The following GSK3B variants were observed in gnomAD, a reference collection of about 807,000 sequenced individuals.
GSK3B encodes the protein glycogen synthase kinase-3 beta.
Under a neutral mutation model 56.4 loss-of-function variants are expected in GSK3B, and 15 were observed. The ratio of observed to expected loss-of-function variants is 0.27; its 90% confidence interval spans 0.18 to 0.41. The LOEUF is 0.41. Among genes scored for constraint, GSK3B ranks in the 10% least tolerant of loss-of-function variants. The pLI, the probability that GSK3B is intolerant of heterozygous loss-of-function variation, is 1.00. For synonymous variants in GSK3B, 181 were observed against 188.9 expected (o/e 0.96, Z 0.34); for missense variants, 300 against 513.4 (o/e 0.58, Z 4.02).
intron 1 of GSK3B, among the ~76,000 whole-genome samples, chr3:120,028,520 C>T (rs142682932): frequency 5.0e-3 from 763 of 152,326 alleles, no homozygotes; most frequent in Non-Finnish European, 8.5e-3. Context: ...ATACTGTTAA[C>T]TCTCATGCCC....
At chr3:119,851,576 T>A (rs2055931260) in intron 9 of GSK3B, among the ~76,000 whole-genome samples, 1 of 152,170 alleles carries the variant, frequency 6.6e-6, no homozygotes, top group South Asian at 2.1e-4. Context: ...AATCAACCCC[T>A]CTACTGACTA....
At chr3:119,959,017 C>T (rs1218851734) in intron 2 of GSK3B, among the ~76,000 whole-genome samples, 1 of 152,194 alleles carries the variant, frequency 6.6e-6, no homozygotes, top group Non-Finnish European at 1.5e-5. Flanking sequence ...TGTGCTACAA[C>T]TAAGGTTTAC....
intron 1 of GSK3B, among the ~76,000 whole-genome samples, chr3:120,089,533 G>A (rs539205651): frequency 1.3e-5 from 2 of 152,262 alleles, no homozygotes; most frequent in South Asian, 4.1e-4. Context: ...ATCACCATAC[G>A]ACGTAATACT....
At position 120,093,483 on chromosome 3, in the gene GSK3B, C is replaced by T; in HGVS notation, c.-49G>A. The T allele has an allele frequency of 3.2e-6, 4 of 1,243,062 alleles. No homozygotes were observed. Among genetic ancestry groups the T allele is most frequent in the Non-Finnish European group, 4.7e-6 (4 of 843,172 alleles). 77.0% of individuals were successfully genotyped at this position (1,243,062 alleles called of 1,614,324 possible). On this transcript the variant is annotated 5_prime_UTR_variant, in exon 1 of 11. Coordinates refer to ENST00000264235, the MANE Select transcript of GSK3B (RefSeq NM_001146156.2). ...TTTTCCTTCCTTCCTCCTTTTCTTC[C>T]TTTTGTCTTTATGTTGGGGTGTTAG...
chr3:120,021,178 AACTAC>A (rs1301755357), intron 1 of GSK3B, among the ~76,000 whole-genome samples: 2 of 152,144 alleles, frequency 1.3e-5, no homozygotes, highest in African/African-American at 2.4e-5. Context: ...TGATGAAGAT[AACTAC>A]ACTAAACAAC....
intron 3 of GSK3B, among the ~76,000 whole-genome samples, chr3:119,943,373 C>A (rs969427165): frequency 2.0e-5 from 3 of 151,748 alleles, no homozygotes; most frequent in African/African-American, 7.3e-5. Context: ...TATAGTATAA[C>A]AATGGAATAT....
intron 7 of GSK3B, among the ~76,000 whole-genome samples, chr3:119,882,754 A>T (rs1293768558): frequency 6.6e-6 from 1 of 152,182 alleles, no homozygotes; most frequent in African/African-American, 2.4e-5. Context: ...TTTCTTCTGC[A>T]ACTCATTCCT....
At chr3:119,851,077 G>A (rs946914406) in intron 9 of GSK3B, among the ~76,000 whole-genome samples, 2 of 152,084 alleles carry the variant, frequency 1.3e-5, no homozygotes, top group Admixed American at 6.5e-5. Flanking sequence ...AAAAAGCCAC[G>A]TAGTTTATTA....
chr3:119,828,757 C>T (rs1048249712), intron 10 of GSK3B, among the ~76,000 whole-genome samples: 5 of 152,184 alleles, frequency 3.3e-5, no homozygotes, highest in Admixed American at 6.5e-5. Context: ...CCTAATTTCC[C>T]GATAAGCTGC....
intron 1 of GSK3B, among the ~76,000 whole-genome samples, chr3:120,070,680 T>C (rs1034232536): frequency 2.0e-5 from 3 of 152,206 alleles, no homozygotes; most frequent in Non-Finnish European, 2.9e-5. Context: ...AAGCAAATGA[T>C]GTGGAACCTG....
intron 1 of GSK3B, among the ~76,000 whole-genome samples, chr3:120,057,966 ATC>A (rs552075152): frequency 2.0e-5 from 3 of 151,746 alleles, no homozygotes; most frequent in African/African-American, 7.2e-5. Context: ...ATCAATCAAA[ATC>A]TCTCTCTCCC....
chr3:119,961,184 C>T (rs1428821224), intron 2 of GSK3B, among the ~76,000 whole-genome samples: 1 of 152,150 alleles, frequency 6.6e-6, no homozygotes, highest in Non-Finnish European at 1.5e-5. Flanking sequence ...TCCAGCTAAT[C>T]TCTCCAAAGG....
At chr3:119,994,308 C>A (rs971714173) in intron 2 of GSK3B, among the ~76,000 whole-genome samples, 2 of 151,954 alleles carry the variant, frequency 1.3e-5, no homozygotes, top group Non-Finnish European at 2.9e-5. Context: ...AAGGGAAAAG[C>A]TTTCCTCATA....
intron 2 of GSK3B, among the ~76,000 whole-genome samples, chr3:119,993,545 T>C (rs2057586645): frequency 6.6e-6 from 1 of 152,176 alleles, no homozygotes; most frequent in South Asian, 2.1e-4. Context: ...CAGTGAACTC[T>C]TAGTAAGTCC....
At chr3:119,858,144 C>A (rs867798173) in intron 9 of GSK3B, among the ~76,000 whole-genome samples, 2 of 152,100 alleles carry the variant, frequency 1.3e-5, no homozygotes, top group Non-Finnish European at 2.9e-5. Context: ...ATTTTTGGAA[C>A]GGTAAAGCAG....
At chr3:119,845,730 A>ACTGCC (rs2055845975) in intron 9 of GSK3B, among the ~76,000 whole-genome samples, 3 of 152,234 alleles carry the variant, frequency 2.0e-5, no homozygotes, top group Non-Finnish European at 4.4e-5. Flanking sequence ...AAATGGCCAT[A>ACTGCC]CTGCCCAAAG....
intron 9 of GSK3B, among the ~76,000 whole-genome samples, chr3:119,857,261 C>A (rs2056035880): frequency 6.6e-6 from 1 of 152,134 alleles, no homozygotes; most frequent in Non-Finnish European, 1.5e-5. Flanking sequence ...CCTGACTCTT[C>A]CTTTCACAAA....
chr3:119,914,724 G>A (rs780325662), intron 5 of GSK3B, among the ~76,000 whole-genome samples: 3 of 152,010 alleles, frequency 2.0e-5, no homozygotes, highest in Non-Finnish European at 1.5e-5. Flanking sequence ...GACACATTGT[G>A]AGACTAAGAA....
At chr3:120,085,236 A>T (rs1365218792) in intron 1 of GSK3B, among the ~76,000 whole-genome samples, 2 of 152,246 alleles carry the variant, frequency 1.3e-5, no homozygotes. Flanking sequence ...TGAGAATATG[A>T]TATACAGTAC....
Sources: gnomAD v4.1 joint callset for allele counts (sites outside exome capture counted in the v4.1 genomes callset) on GRCh38, gnomAD v4.1.1 for gene constraint, MANE v1.5 for transcripts, NCBI Gene and HGNC (gene_info 2026-07-23, HGNC 2026-07-21) for gene names.